Variants in SLC44A5 observed in about 807,000 individuals in gnomAD.
SLC44A5 encodes solute carrier family 44 member 5, also known as choline transporter-like protein 5.
SLC44A5 carries 57 observed loss-of-function variants against 101.8 expected under a neutral mutation model. The ratio of observed to expected loss-of-function variants is 0.56; its 90% confidence interval spans 0.45 to 0.70. SLC44A5 has a LOEUF of 0.70. Among genes scored for constraint, SLC44A5 ranks in the 30% least tolerant of loss-of-function variants. The probability of loss-of-function intolerance (pLI) is 0.00; values close to 1 mark genes in which losing one functional copy is unlikely to be tolerated. For missense variants in SLC44A5, 737 were observed against 853.1 expected, an observed-to-expected ratio of 0.86 and a Z score of 1.70; for synonymous variants, 281 against 290.9, an observed-to-expected ratio of 0.97 and a Z score of 0.35.
chr1:75,498,682 C>T (rs985982839), intron 2 of SLC44A5, among the ~76,000 whole-genome samples: 1 of 152,056 alleles, frequency 6.6e-6, no homozygotes, highest in Non-Finnish European at 1.5e-5. Flanking sequence ...AAGAAAAGTA[C>T]ACATTATCAT....
chr1:75,675,252 T>A, the SLC44A5 span, among the ~76,000 whole-genome samples: 4 of 152,216 alleles, frequency 2.6e-5, no homozygotes, highest in African/African-American at 9.6e-5. Flanking sequence ...GAGTATGGAA[T>A]GTTTTTTCAT....
intron 1 of SLC44A5, chr1:75,582,571 A>C: frequency 1.7e-5 from 7 of 415,192 alleles, no homozygotes; most frequent in East Asian, 4.4e-5. Context: ...AGAGATCTCC[A>C]TCTGCCAATA....
the SLC44A5 span, among the ~76,000 whole-genome samples, chr1:75,673,848 T>C: frequency 6.6e-6 from 1 of 152,166 alleles, no homozygotes; most frequent in Non-Finnish European, 1.5e-5. Context: ...AGAGCCATTG[T>C]TTCACTGAGC....
At chr1:75,454,747 TA>T (rs35246480) in intron 2 of SLC44A5, among the ~76,000 whole-genome samples, 3,269 of 151,956 alleles carry the variant, frequency 0.022, 117 homozygotes, top group African/African-American at 0.074. Context: ...ACATCAAAAA[TA>T]TTCAAGCTGA....
intron 2 of SLC44A5, among the ~76,000 whole-genome samples, chr1:75,539,108 C>T (rs779082357): frequency 2.0e-5 from 3 of 152,108 alleles, no homozygotes; most frequent in East Asian, 1.9e-4. Flanking sequence ...TATCCCCTGA[C>T]GAATTCAAGA....
chr1:75,529,213 G>T (rs1670589858), intron 2 of SLC44A5, among the ~76,000 whole-genome samples: 2 of 152,120 alleles, frequency 1.3e-5, no homozygotes, highest in South Asian at 4.1e-4. Context: ...TTAACCTCTG[G>T]TTGCAATTCT....
chr1:75,650,338 A>G, the SLC44A5 span, among the ~76,000 whole-genome samples: 1 of 152,234 alleles, frequency 6.6e-6, no homozygotes, highest in Non-Finnish European at 1.5e-5. Context: ...TTTTATAAGT[A>G]ACTTTGTGCA....
chr1:75,411,080 A>G (rs1663245729), intron 2 of SLC44A5, among the ~76,000 whole-genome samples: 1 of 152,156 alleles, frequency 6.6e-6, no homozygotes, highest in Non-Finnish European at 1.5e-5. Context: ...AAACTGGACT[A>G]CTGGCATAAT....
intron 3 of SLC44A5, among the ~76,000 whole-genome samples, chr1:75,386,581 C>CTCTT: frequency 6.6e-6 from 1 of 152,290 alleles, no homozygotes; most frequent in South Asian, 2.1e-4. Context: ...AATGGAAGAA[C>CTCTT]ATTCCATGCT....
intron 5 of SLC44A5, 118 bp downstream of exon 5, chr1:75,300,494 G>A: frequency 1.8e-6 from 1 of 553,156 alleles, no homozygotes; most frequent in Non-Finnish European, 3.0e-6. Flanking sequence ...CTCCAGGAAA[G>A]ACAACAGTCA....
chr1:75,252,292 C>CATTA (rs1649641517), intron 6 of SLC44A5, among the ~76,000 whole-genome samples: 1 of 152,190 alleles, frequency 6.6e-6, no homozygotes, highest in South Asian at 2.1e-4. Context: ...AATGTGACTA[C>CATTA]ATGCATAGCA....
At chr1:75,560,234 T>G (rs1356980430) in intron 1 of SLC44A5, among the ~76,000 whole-genome samples, 1 of 152,180 alleles carries the variant, frequency 6.6e-6, no homozygotes, top group East Asian at 1.9e-4. Context: ...TGTACAAATA[T>G]GTTTGTAGCT....
At chr1:75,313,013 CAA>C (rs1228500659) in intron 4 of SLC44A5, among the ~76,000 whole-genome samples, 1 of 152,096 alleles carries the variant, frequency 6.6e-6, no homozygotes, top group Non-Finnish European at 1.5e-5. Context: ...AGTAATAAAA[CAA>C]AAGTTCTATC....
At chr1:75,462,047 A>G (rs1666529901) in intron 2 of SLC44A5, among the ~76,000 whole-genome samples, 1 of 152,248 alleles carries the variant, frequency 6.6e-6, no homozygotes. Context: ...AACATAGGCC[A>G]TAGCCAGGGA....
chr1:75,558,336 C>G (rs1672332579), intron 1 of SLC44A5, among the ~76,000 whole-genome samples: 1 of 152,036 alleles, frequency 6.6e-6, no homozygotes, highest in Non-Finnish European at 1.5e-5. Context: ...TGCCAAAGAT[C>G]AAGTGTGTTG....
intron 2 of SLC44A5, among the ~76,000 whole-genome samples, chr1:75,432,376 A>G (rs1664664103): frequency 1.3e-5 from 2 of 152,196 alleles, no homozygotes; most frequent in Admixed American, 1.3e-4. Context: ...TTTACATCAC[A>G]AAGTAAACAA....
In SLC44A5 at chr1:75,328,290, A is replaced by G. The variant is rs1326901774; in HGVS notation, c.101+11292T>C. Among the ~76,000 whole-genome samples the G allele has an allele frequency of 2.6e-5, 4 of 152,368 alleles. No individual in the cohort carries two copies. The East Asian group carries it at 7.7e-4, about 29-fold the overall frequency. On this transcript the variant is annotated intron_variant, in intron 4 of 23. Coordinates refer to ENST00000370859, the MANE Select transcript of SLC44A5 (RefSeq NM_001130058.2). Reference sequence around the variant, plus strand: ...GCAGCAAGACAGCCTGGGCAGAACAATATTTGAAAAATATAGCTAATATAT... The same window carrying G: ...GCAGCAAGACAGCCTGGGCAGAACAGTATTTGAAAAATATAGCTAATATAT...
At chr1:75,556,819 C>T (rs1672242712) in intron 1 of SLC44A5, among the ~76,000 whole-genome samples, 1 of 152,076 alleles carries the variant, frequency 6.6e-6, no homozygotes. Flanking sequence ...CTACCTTCCT[C>T]ATAGTTATAT....
At chr1:75,356,402 TA>T (rs1347251613) in intron 3 of SLC44A5, among the ~76,000 whole-genome samples, 1 of 151,684 alleles carries the variant, frequency 6.6e-6, no homozygotes, top group Non-Finnish European at 1.5e-5. Context: ...TCTCTGTTTT[TA>T]ACAAAAAGTT....
Sources: allele counts gnomAD v4.1 joint callset (sites outside exome capture counted in the v4.1 genomes callset), GRCh38; gene constraint gnomAD v4.1.1; transcripts MANE v1.5; gene names NCBI Gene and HGNC (gene_info 2026-07-23, HGNC 2026-07-21).